EIF4B: variants seen among roughly 807,000 people sequenced by gnomAD.
EIF4B encodes the protein eukaryotic translation initiation factor 4B.
A neutral mutation model predicts 79.3 loss-of-function variants in EIF4B; 8 were observed. The observed-to-expected ratio is 0.10, with a 90% CI of 0.06 to 0.18. The LOEUF (loss-of-function observed/expected upper bound fraction) is 0.18, where lower values mean the gene tolerates loss of function less well. Among genes scored for constraint, EIF4B ranks in the 10% least tolerant of loss-of-function variants. The probability of loss-of-function intolerance (pLI) is 1.00; values close to 1 mark genes in which losing one functional copy is unlikely to be tolerated. For synonymous variants in EIF4B, 238 were observed against 274.7 expected, an observed-to-expected ratio of 0.87 and a Z score of 1.32; for missense variants, 515 against 792.4, an observed-to-expected ratio of 0.65 and a Z score of 4.20.
intron 1 of EIF4B, among the ~76,000 whole-genome samples, chr12:53,009,127 G>A (rs956822352): frequency 1.5e-4 from 23 of 152,136 alleles, no homozygotes; most frequent in Non-Finnish European, 2.6e-4. Context: ...GCCAGTTACC[G>A]CTTGAATCTC....
At position 53,027,136 on chromosome 12, in the gene EIF4B, A is replaced by ATTTTTTTTTTTTTTTTT. The variant is rs777111413; in HGVS notation, c.668-646_668-645insTTTTTTTTTTTTTTTTT. On this transcript the variant is annotated intron_variant, in intron 6 of 14. Transcript: ENST00000262056. Reference sequence around the variant, plus strand: ...GAGACTGTCTCTCAAAAAAAAAAAAAATTTTTTTTTTTTTTTTTTTTGAGA... The same window carrying ATTTTTTTTTTTTTTTTT: ...GAGACTGTCTCTCAAAAAAAAAAAAATTTTTTTTTTTTTTTTTATTTTTTTTTTTTTTTTTTTTGAGA... Among the ~76,000 whole-genome samples, 259 of 29,310 alleles carry ATTTTTTTTTTTTTTTTT rather than the reference A, an allele frequency of 8.8e-3. 50 individuals are homozygous for ATTTTTTTTTTTTTTTTT. Among genetic ancestry groups the ATTTTTTTTTTTTTTTTT allele is most frequent in the Non-Finnish European group, 0.013 (108 of 8,184 alleles). 19.2% of individuals were successfully genotyped at this position (29,310 alleles called of 152,430 possible).
At position 53,006,463 on chromosome 12, in the gene EIF4B, G is replaced by A. The variant is rs768137079; in HGVS notation, c.-21G>A. ...TGATTGCCTCATCCGGGTCTTTTGC[G>A]TTCTCTTTCCCTCTCCCAACATGGC... On this transcript the variant is annotated 5_prime_UTR_variant, in exon 1 of 15. Transcript: ENST00000262056. The A allele has an allele frequency of 1.2e-6, 2 of 1,613,156 alleles. No individual in the cohort carries two copies. Among genetic ancestry groups the A allele is most frequent in the East Asian group, 2.2e-5 (1 of 44,870 alleles).
chr12:53,034,854 C>T (rs1592227462), intron 10 of EIF4B, 145 bp downstream of exon 10: 9 of 801,202 alleles, frequency 1.1e-5, no homozygotes, highest in Non-Finnish European at 1.6e-5. Flanking sequence ...TTCATATCTT[C>T]TGCTCCAAAG....
intron 8 of EIF4B, among the ~76,000 whole-genome samples, chr12:53,030,241 G>A (rs1350801468): frequency 8.4e-5 from 7 of 83,370 alleles, no homozygotes; most frequent in African/African-American, 2.4e-4. Context: ...TTAGCTGAGC[G>A]TGGTAGCATG....
intron 1 of EIF4B, 52 bp from the exon 2 acceptor site, chr12:53,016,421 C>T (rs752176718): frequency 6.2e-7 from 1 of 1,607,774 alleles, no homozygotes; most frequent in Non-Finnish European, 8.5e-7. Flanking sequence ...TTGTACAACT[C>T]TGTAAATACC....
intron 3 of EIF4B, 105 bp downstream of exon 3, chr12:53,019,111 AT>A (rs1224566065): frequency 7.5e-7 from 1 of 1,340,278 alleles, no homozygotes; most frequent in Non-Finnish European, 1.0e-6. Context: ...TAGAAATATA[AT>A]TTAAGGCCGG....
At chr12:53,039,522 CTGTTGACTAGAGGTGCCT>C in intron 13 of EIF4B, 90 bp from the exon 14 acceptor site, 1 of 1,332,042 alleles carries the variant, frequency 7.5e-7, no homozygotes, top group South Asian at 1.3e-5. Flanking sequence ...ACAACAAGGA[CTGTTGACTAGAGGTGCCT>C]GTTCAGTGCC....
At chr12:53,022,472 T>C (rs1184582069) in intron 5 of EIF4B, 21 bp from the exon 6 acceptor site, 2 of 1,608,052 alleles carry the variant, frequency 1.2e-6, no homozygotes, top group African/African-American at 2.7e-5. Context: ...ACTTACGGTT[T>C]TTGTTTTAAT....
At chr12:53,025,140 A>G (rs2034555666) in intron 6 of EIF4B, 1 of 438,512 alleles carries the variant, frequency 2.3e-6, no homozygotes, top group East Asian at 7.0e-5. Flanking sequence ...GACTTTTTAC[A>G]TGACTTTGTG....
chr12:53,036,207 G>T (rs991400582), intron 10 of EIF4B, among the ~76,000 whole-genome samples: 2 of 151,958 alleles, frequency 1.3e-5, no homozygotes, highest in Admixed American at 6.6e-5. Flanking sequence ...CTGCCTCCCG[G>T]GTTCAAGTGA....
chr12:53,019,675 C>CTTT (rs34225588), intron 3 of EIF4B, among the ~76,000 whole-genome samples: 2,231 of 132,320 alleles, frequency 0.017, 46 homozygotes, highest in Non-Finnish European at 0.023. Context: ...CTGAATTAAT[C>CTTT]TTTTTTTTTT....
chr12:53,030,413 C>CTTTTTTTTTTTTTTCT (rs1943416280), intron 8 of EIF4B, among the ~76,000 whole-genome samples: 1 of 43,066 alleles, frequency 2.3e-5, no homozygotes, highest in Non-Finnish European at 5.9e-5. Context: ...AAATTATATT[C>CTTTTTTTTTTTTTTCT]TTTTTTTTTT....
At chr12:53,017,428 C>G (rs1943166480) in intron 2 of EIF4B, among the ~76,000 whole-genome samples, 1 of 152,026 alleles carries the variant, frequency 6.6e-6, no homozygotes, top group South Asian at 2.1e-4. Flanking sequence ...AAAGAAGAGT[C>G]AATTGGACAA....
At chr12:53,019,063 C>G in intron 3 of EIF4B, 57 bp downstream of exon 3, 1 of 1,568,576 alleles carries the variant, frequency 6.4e-7, no homozygotes, top group East Asian at 2.3e-5. Flanking sequence ...CTAAAAAAGA[C>G]TAATTGTGGA....
At chr12:53,027,409 A>G (rs1943355730) in intron 6 of EIF4B, among the ~76,000 whole-genome samples, 1 of 151,854 alleles carries the variant, frequency 6.6e-6, no homozygotes, top group East Asian at 1.9e-4. Context: ...TGCTGGGATT[A>G]CAGGCATGAG....
chr12:53,010,309 G>A (rs1943042695), intron 1 of EIF4B, among the ~76,000 whole-genome samples: 1 of 152,198 alleles, frequency 6.6e-6, no homozygotes. Context: ...TCTTTACTAT[G>A]CTAAACTTAC....
At chr12:53,019,886 T>C (rs1327823068) in intron 3 of EIF4B, 24 bp from the exon 4 acceptor site, 24 of 1,601,360 alleles carry the variant, frequency 1.5e-5, no homozygotes, top group Non-Finnish European at 1.8e-5. Context: ...TGGGAAACTT[T>C]GTTGTTGATT....
chr12:53,012,101 G>T (rs185584046), intron 1 of EIF4B: 1 of 152,170 alleles, frequency 6.6e-6, no homozygotes, highest in Non-Finnish European at 1.5e-5. Context: ...GGAATGAAAC[G>T]GAGTGGAACA....
intron 11 of EIF4B, 84 bp downstream of exon 11, chr12:53,037,706 C>A: frequency 6.9e-7 from 1 of 1,450,588 alleles, no homozygotes; most frequent in Non-Finnish European, 9.5e-7. Flanking sequence ...CTACGGGATG[C>A]CAGCGTTGTA....
Sources: allele counts gnomAD v4.1 joint callset (sites outside exome capture counted in the v4.1 genomes callset), GRCh38; gene constraint gnomAD v4.1.1; transcripts MANE v1.5; gene names NCBI Gene and HGNC (gene_info 2026-07-23, HGNC 2026-07-21).